The following LRIF1 variants were observed in gnomAD, a reference collection of about 807,000 sequenced individuals.
LRIF1 encodes ligand dependent nuclear receptor interacting factor 1.
A neutral mutation model predicts 52.7 loss-of-function variants in LRIF1; 32 were observed. The observed-to-expected ratio is 0.61, with a 90% CI of 0.46 to 0.82. The LOEUF is 0.82. Among genes scored for constraint, LRIF1 ranks in the 40% least tolerant of loss-of-function variants. LRIF1 has a pLI of 0.00. For synonymous variants in LRIF1, 323 were observed against 317.4 expected (o/e 1.02, Z -0.19); for missense variants, 887 against 892.0 (o/e 0.99, Z 0.07).
At chr1:110,961,210 T>C (rs1241820396) in intron 1 of LRIF1, among the ~76,000 whole-genome samples, 1 of 152,204 alleles carries the variant, frequency 6.6e-6, no homozygotes, top group East Asian at 1.9e-4. Flanking sequence ...CAACTCTACT[T>C]TCCTCCTCCT....
chr1:110,954,571 C>A lies in LRIF1; in HGVS notation c.69-1756G>T, dbSNP rs568107080. ...ACCCAAAGAAAAGGATGAATTCTTG[C>A]TTTCAGGGTTTTAAGAGGAAAAATC... On this transcript the variant is annotated intron_variant, in intron 1 of 3. Coordinates refer to ENST00000369763, the MANE Select transcript of LRIF1 (RefSeq NM_018372.4). 2.0e-4 allele frequency among the ~76,000 whole-genome samples: 31 copies of A among 152,250 alleles called. No individual in the cohort carries two copies. The East Asian group carries it at 5.8e-3, about 28-fold the overall frequency.
chr1:110,933,659 G>T, the LRIF1 span, among the ~76,000 whole-genome samples: 37 of 152,114 alleles, frequency 2.4e-4, 1 homozygote, highest in Non-Finnish European at 4.4e-4. Context: ...TAGCCAGAGG[G>T]GAATCACCCA....
the LRIF1 span, among the ~76,000 whole-genome samples, chr1:110,910,534 G>C: frequency 6.6e-6 from 1 of 152,192 alleles, no homozygotes; most frequent in Non-Finnish European, 1.5e-5. Flanking sequence ...CCAGGAGGCA[G>C]AGGTTGGAGT....
the LRIF1 span, chr1:110,894,249 C>A: frequency 7.7e-7 from 1 of 1,291,280 alleles, no homozygotes; most frequent in South Asian, 1.2e-5. Context: ...GCAAATGCCC[C>A]TGGATGCTCC....
the LRIF1 span, among the ~76,000 whole-genome samples, chr1:110,934,653 T>C: frequency 2.0e-5 from 3 of 152,314 alleles, no homozygotes; most frequent in Admixed American, 6.5e-5. Context: ...GTTTTGTAGT[T>C]TGAATGCTGG....
chr1:110,878,192 T>C, the LRIF1 span, among the ~76,000 whole-genome samples: 1 of 152,176 alleles, frequency 6.6e-6, no homozygotes, highest in African/African-American at 2.4e-5. Context: ...AGGAACTTAG[T>C]TATTTTGTGG....
chr1:110,898,981 C>T, the LRIF1 span: 486 of 621,210 alleles, frequency 7.8e-4, 1 homozygote, highest in Non-Finnish European at 1.0e-3. Flanking sequence ...GGAAAGAGCT[C>T]CTGAGAGAGA....
the LRIF1 span, among the ~76,000 whole-genome samples, chr1:110,931,074 T>G: frequency 1.3e-5 from 2 of 152,140 alleles, no homozygotes; most frequent in Non-Finnish European, 2.9e-5. Flanking sequence ...CATGCTGGTT[T>G]GCTGCATCCA....
the LRIF1 span, among the ~76,000 whole-genome samples, chr1:110,911,749 A>G: frequency 6.2e-4 from 94 of 152,350 alleles, no homozygotes; most frequent in Admixed American, 1.1e-3. Context: ...AACTAAAAAC[A>G]AAAACCACAT....
chr1:110,912,346 G>A, the LRIF1 span, among the ~76,000 whole-genome samples: 4 of 152,054 alleles, frequency 2.6e-5, no homozygotes, highest in African/African-American at 9.7e-5. Flanking sequence ...CAAGTAGTTG[G>A]GATTACAGGC....
the LRIF1 span, among the ~76,000 whole-genome samples, chr1:110,930,314 G>C: frequency 5.3e-5 from 8 of 152,100 alleles, no homozygotes; most frequent in Non-Finnish European, 1.0e-4. Context: ...AATTGTAATA[G>C]TCTGCTCAAG....
the LRIF1 span, among the ~76,000 whole-genome samples, chr1:110,912,930 T>C: frequency 6.6e-6 from 1 of 152,182 alleles, no homozygotes; most frequent in Non-Finnish European, 1.5e-5. Flanking sequence ...CTTAAAACTA[T>C]ACTGCAACAC....
the LRIF1 span, among the ~76,000 whole-genome samples, chr1:110,881,942 T>C: frequency 3.9e-5 from 6 of 152,232 alleles, no homozygotes; most frequent in Non-Finnish European, 7.3e-5. Context: ...TCTGATCTTT[T>C]GCCCATTTTA....
At chr1:110,927,305 T>C in the LRIF1 span, among the ~76,000 whole-genome samples, 1 of 152,308 alleles carries the variant, frequency 6.6e-6, no homozygotes, top group Non-Finnish European at 1.5e-5. Flanking sequence ...CTGAACTTCT[T>C]GCCTCCTTGT....
the LRIF1 span, among the ~76,000 whole-genome samples, chr1:110,890,332 C>T: frequency 6.6e-5 from 10 of 152,088 alleles, no homozygotes; most frequent in African/African-American, 1.4e-4. Flanking sequence ...TTTGGGAGGC[C>T]GAGGCAGGCG....
At chr1:110,945,892 T>C (rs750631894), downstream of LRIF1, among the ~76,000 whole-genome samples, 1 of 152,134 alleles carries the variant, frequency 6.6e-6, no homozygotes, top group Non-Finnish European at 1.5e-5. Flanking sequence ...TGACAGTATG[T>C]TTATGTGGTG....
At chr1:110,933,565 G>A in the LRIF1 span, among the ~76,000 whole-genome samples, 15 of 152,102 alleles carry the variant, frequency 9.9e-5, no homozygotes, top group Non-Finnish European at 1.6e-4. Context: ...CAGCAATTGC[G>A]GGGCATTGAA....
intron 3 of LRIF1, 75 bp downstream of exon 3, chr1:110,949,776 A>G (rs1220109875): frequency 8.2e-6 from 12 of 1,469,056 alleles, no homozygotes; most frequent in South Asian, 1.3e-5. Flanking sequence ...CAAGGGTTAA[A>G]ACCAAATCAA....
chr1:110,891,916 G>A, the LRIF1 span, among the ~76,000 whole-genome samples: 2 of 152,222 alleles, frequency 1.3e-5, no homozygotes, highest in Admixed American at 6.5e-5. Context: ...GTTGGTACTT[G>A]TGTATATGAG....
Sources: gnomAD v4.1 joint callset for allele counts (sites outside exome capture counted in the v4.1 genomes callset) on GRCh38, gnomAD v4.1.1 for gene constraint, MANE v1.5 for transcripts, NCBI Gene and HGNC (gene_info 2026-07-23, HGNC 2026-07-21) for gene names.